The following LGR5 variants were observed in gnomAD, a reference collection of about 807,000 sequenced individuals.
The protein encoded by LGR5 is leucine rich repeat containing G protein-coupled receptor 5.
In LGR5, 54 loss-of-function variants were observed where a neutral mutation model predicts 76.7. The ratio of observed to expected loss-of-function variants is 0.70; its 90% CI spans 0.57 to 0.88. LGR5 has a LOEUF of 0.88. Among genes scored for constraint, LGR5 ranks in the 40% least tolerant of loss-of-function variants. The pLI, the probability that LGR5 is intolerant of heterozygous loss-of-function variation, is 0.00. For synonymous variants in LGR5, 406 were observed against 421.9 expected (o/e 0.96, Z 0.46); for missense variants, 1,078 against 1,073.3 (o/e 1.00, Z -0.06).
intron 4 of LGR5, among the ~76,000 whole-genome samples, chr12:71,544,094 G>T (rs954373821): frequency 7.9e-5 from 12 of 151,904 alleles, no homozygotes; most frequent in African/African-American, 2.9e-4. Flanking sequence ...ATTCCTTATT[G>T]GAGTCTTGCA....
intron 4 of LGR5, among the ~76,000 whole-genome samples, chr12:71,544,536 T>TAA (rs75222528): frequency 7.1e-6 from 1 of 140,766 alleles, no homozygotes. Context: ...CCATAAATAT[T>TAA]AAAAAAAAAA....
intron 1 of LGR5, among the ~76,000 whole-genome samples, chr12:71,480,048 A>G (rs144257225): frequency 1.3e-5 from 2 of 152,272 alleles, no homozygotes; most frequent in African/African-American, 4.8e-5. Flanking sequence ...GAGTGGAAGC[A>G]GAAAGTGGCC....
At chr12:71,475,711 C>A (rs1049887172) in intron 1 of LGR5, among the ~76,000 whole-genome samples, 3 of 152,098 alleles carry the variant, frequency 2.0e-5, no homozygotes, top group African/African-American at 7.2e-5. Flanking sequence ...CCTCTTGGAA[C>A]CCTAACAAAA....
chr12:71,444,536 T>G (rs1211309366), intron 1 of LGR5, among the ~76,000 whole-genome samples: 1 of 152,146 alleles, frequency 6.6e-6, no homozygotes, highest in East Asian at 1.9e-4. Flanking sequence ...AATGAATTTT[T>G]ACATATAATA....
At chr12:71,483,864 G>A (rs934466229) in intron 1 of LGR5, among the ~76,000 whole-genome samples, 2 of 152,088 alleles carry the variant, frequency 1.3e-5, no homozygotes, top group Non-Finnish European at 2.9e-5. Flanking sequence ...TAATCAATAG[G>A]ACTGATGGCC....
At chr12:71,581,440 G>A (rs1156589918) in intron 16 of LGR5, among the ~76,000 whole-genome samples, 1 of 152,224 alleles carries the variant, frequency 6.6e-6, no homozygotes, top group Admixed American at 6.5e-5. Flanking sequence ...AGTCTAAACA[G>A]ACTAAACAGA....
chr12:71,572,977 G>A (rs1428592415), intron 13 of LGR5, 56 bp downstream of exon 13: 10 of 1,277,056 alleles, frequency 7.8e-6, no homozygotes, highest in Non-Finnish European at 1.1e-5. Context: ...TTCTCTTTGG[G>A]GCCTTCCCCT....
rs1490516244 is a variant in LGR5 at position 71,566,856 on chromosome 12, A to G, written c.1014A>G (p.Ala338=). 1.2e-6 allele frequency: 2 copies of G among 1,613,646 alleles called. No individual in the cohort carries two copies. Among genetic ancestry groups the G allele is most frequent in the Non-Finnish European group, 1.7e-6 (2 of 1,179,664 alleles). The change falls in exon 11 of 18, where the codon GCA becomes GCG. Residue 338 remains alanine (A), a synonymous_variant. Transcript: ENST00000266674. The stretch of plus-strand genomic sequence containing the variant: ...GTTTTAACAGGACTTTAACTGGAGC[A>G]CAGATCTCATCTCTTCCTCAAACCG... ...ANLESLTLTG[A]QISSLPQTVC...
At chr12:71,544,135 T>A (rs1877020258) in intron 4 of LGR5, among the ~76,000 whole-genome samples, 1 of 152,152 alleles carries the variant, frequency 6.6e-6, no homozygotes, top group Admixed American at 6.5e-5. Flanking sequence ...GACAGAGGTT[T>A]GGTTCCTTTA....
intron 4 of LGR5, among the ~76,000 whole-genome samples, chr12:71,552,841 G>A (rs911098357): frequency 1.3e-5 from 2 of 152,068 alleles, no homozygotes; most frequent in African/African-American, 4.8e-5. Flanking sequence ...GCCTGGAAGA[G>A]AATTATAGCA....
chr12:71,537,582 A>C (rs1463935531), intron 4 of LGR5, among the ~76,000 whole-genome samples: 1 of 152,216 alleles, frequency 6.6e-6, no homozygotes, highest in African/African-American at 2.4e-5. Context: ...CTACCCATAC[A>C]TACACAAGGC....
chr12:71,473,803 A>AAAAG (rs1355069704), intron 1 of LGR5, among the ~76,000 whole-genome samples: 1 of 152,110 alleles, frequency 6.6e-6, no homozygotes, highest in African/African-American at 2.4e-5. Flanking sequence ...TTATCTATAT[A>AAAAG]TCCTTAGATC....
Position 71,584,382 on chromosome 12 carries a change from T to C in LGR5, c.2372T>C (p.Ile791Thr), listed in dbSNP as rs770982380. The C allele has an allele frequency of 4.3e-6, 7 of 1,614,122 alleles. No individual in the cohort carries two copies. The African/African-American group carries it at 5.3e-5, about 12-fold the overall frequency. Residue 791 changes from isoleucine to threonine, a missense_variant, in exon 18 of 18, where the codon ATA (isoleucine) becomes ACA (threonine). Coordinates refer to ENST00000266674, the MANE Select transcript of LGR5 (RefSeq NM_003667.4). ...PVAFLSFSSL[I>T]NLTFISPEVI... Reference sequence around the variant, plus strand: ...GCTTTCTTGTCCTTCTCCTCTTTAATAAACCTTACATTTATCAGTCCTGAA... The same window carrying C: ...GCTTTCTTGTCCTTCTCCTCTTTAACAAACCTTACATTTATCAGTCCTGAA...
At chr12:71,576,596 G>C (rs1878866479) in intron 13 of LGR5, among the ~76,000 whole-genome samples, 3 of 152,122 alleles carry the variant, frequency 2.0e-5, no homozygotes, top group Admixed American at 2.0e-4. Flanking sequence ...AGCAGAAAAT[G>C]ACTCCTCTGG....
At chr12:71,448,989 A>T (rs1872139226) in intron 1 of LGR5, 1 of 152,414 alleles carries the variant, frequency 6.6e-6, no homozygotes, top group Non-Finnish European at 1.5e-5. Context: ...GAGAGGTGGA[A>T]GGGCTAATGG....
At chr12:71,579,367 G>A (rs1301230567) in intron 15 of LGR5, among the ~76,000 whole-genome samples, 2 of 152,126 alleles carry the variant, frequency 1.3e-5, no homozygotes, top group African/African-American at 2.4e-5. Flanking sequence ...TGACAAAGAA[G>A]TATCTTGAAA....
chr12:71,523,583 G>A (rs763111616), intron 2 of LGR5, among the ~76,000 whole-genome samples: 12 of 152,160 alleles, frequency 7.9e-5, no homozygotes, highest in Non-Finnish European at 1.3e-4. Flanking sequence ...GTGCTCTTTG[G>A]AGTCACATTG....
chr12:71,490,143 A>C (rs79392135), intron 1 of LGR5, among the ~76,000 whole-genome samples: 1 of 131,590 alleles, frequency 7.6e-6, no homozygotes. Context: ...AAAAAAAAAA[A>C]ACCCATAAAA....
chr12:71,510,087 T>C (rs139317511), intron 2 of LGR5, among the ~76,000 whole-genome samples: 4 of 152,162 alleles, frequency 2.6e-5, no homozygotes, highest in African/African-American at 4.8e-5. Context: ...AATGAAACAA[T>C]GATCAAAGAA....
Sources: gnomAD v4.1 joint callset for allele counts (sites outside exome capture counted in the v4.1 genomes callset) on GRCh38, gnomAD v4.1.1 for gene constraint, MANE v1.5 for transcripts, NCBI Gene and HGNC (gene_info 2026-07-23, HGNC 2026-07-21) for gene names.